FER: variants seen among roughly 807,000 people sequenced by gnomAD.
The protein encoded by FER is tyrosine-protein kinase Fer.
Under a neutral mutation model 111.0 loss-of-function variants are expected in FER, and 63 were observed. That is an observed-to-expected ratio of 0.57 (90% CI 0.46 to 0.70). The LOEUF is 0.70. Ranked by LOEUF, FER falls within the 30% of genes least tolerant of loss-of-function variation. The pLI is 0.00. For synonymous variants in FER, 327 were observed against 313.9 expected, an observed-to-expected ratio of 1.04 and a Z score of -0.44; for missense variants, 914 against 954.0, an observed-to-expected ratio of 0.96 and a Z score of 0.55.
intron 2 of FER, among the ~76,000 whole-genome samples, chr5:108,782,385 G>T (rs1234512575): frequency 6.6e-6 from 1 of 151,642 alleles, no homozygotes; most frequent in East Asian, 1.9e-4. Flanking sequence ...CTCCTGCATA[G>T]ACCACGTTTC....
intron 2 of FER, among the ~76,000 whole-genome samples, chr5:108,769,790 A>G (rs780650952): frequency 5.9e-5 from 9 of 152,166 alleles, no homozygotes; most frequent in Non-Finnish European, 1.3e-4. Context: ...TTAGAAAACT[A>G]TCTTTCTTGT....
At chr5:109,146,822 A>G (rs2126666966) in intron 17 of FER, among the ~76,000 whole-genome samples, 1 of 152,248 alleles carries the variant, frequency 6.6e-6, no homozygotes, top group South Asian at 2.1e-4. Context: ...TGACTTTGCT[A>G]TGTTGTATGC....
intron 17 of FER, among the ~76,000 whole-genome samples, chr5:109,133,118 A>T (rs764936002): frequency 1.3e-5 from 2 of 152,176 alleles, no homozygotes; most frequent in Non-Finnish European, 2.9e-5. Flanking sequence ...AAATGTTAGT[A>T]TGTTCTTGGG....
At chr5:109,027,603 T>C (rs1443694316) in intron 13 of FER, among the ~76,000 whole-genome samples, 1 of 152,128 alleles carries the variant, frequency 6.6e-6, no homozygotes, top group African/African-American at 2.4e-5. Flanking sequence ...TAAAGCCCTT[T>C]AAAGGGATAA....
chr5:108,983,073 G>C (rs186058813), intron 13 of FER, among the ~76,000 whole-genome samples: 1 of 151,966 alleles, frequency 6.6e-6, no homozygotes, highest in Non-Finnish European at 1.5e-5. Context: ...CTAGCACCTA[G>C]TATGTATTCA....
At chr5:108,949,565 A>G (rs2149637021) in intron 11 of FER, among the ~76,000 whole-genome samples, 1 of 152,212 alleles carries the variant, frequency 6.6e-6, no homozygotes, top group South Asian at 2.1e-4. Context: ...TTGTACTGTA[A>G]TGGAACAAAT....
chr5:109,051,039 A>G (rs1046849050), intron 16 of FER, among the ~76,000 whole-genome samples: 5 of 152,314 alleles, frequency 3.3e-5, no homozygotes, highest in African/African-American at 1.2e-4. Context: ...TCTATGTATC[A>G]TGTAATGGAA....
At chr5:108,785,516 C>A (rs1393554360) in intron 2 of FER, 2 of 561,682 alleles carry the variant, frequency 3.6e-6, no homozygotes, top group African/African-American at 1.9e-5. Flanking sequence ...CACAGACAAC[C>A]TGGTGTGAGT....
At chr5:109,093,949 A>C (rs1747154452) in intron 16 of FER, among the ~76,000 whole-genome samples, 1 of 152,122 alleles carries the variant, frequency 6.6e-6, no homozygotes, top group Admixed American at 6.6e-5. Flanking sequence ...TATCAGAGGC[A>C]ACTTTGAGAG....
At chr5:109,169,679 T>C (rs1419621472) in intron 17 of FER, among the ~76,000 whole-genome samples, 1 of 152,196 alleles carries the variant, frequency 6.6e-6, no homozygotes. Context: ...TATTTCCCCT[T>C]TGTATGTTGG....
intron 13 of FER, among the ~76,000 whole-genome samples, chr5:108,976,652 G>T (rs1162643408): frequency 6.6e-6 from 1 of 152,066 alleles, no homozygotes; most frequent in African/African-American, 2.4e-5. Context: ...CACATATTTT[G>T]TATGCTATAT....
chr5:108,748,687 C>T (rs558613156), intron 1 of FER: 2 of 152,472 alleles, frequency 1.3e-5, no homozygotes, highest in Admixed American at 6.5e-5. Flanking sequence ...CTCCCAGGGC[C>T]CGCAGCTTGG....
At chr5:108,961,845 T>C (rs1382412987) in intron 13 of FER, among the ~76,000 whole-genome samples, 1 of 152,192 alleles carries the variant, frequency 6.6e-6, no homozygotes, top group Non-Finnish European at 1.5e-5. Context: ...TAACTGAATC[T>C]ATTTCTTGAT....
chr5:109,015,623 A>T (rs771130549), intron 13 of FER, among the ~76,000 whole-genome samples: 1 of 152,022 alleles, frequency 6.6e-6, no homozygotes, highest in Non-Finnish European at 1.5e-5. Flanking sequence ...CATGAACAGA[A>T]CTGTGGAAGC....
chr5:108,948,152 A>G (rs773767345), intron 11 of FER, among the ~76,000 whole-genome samples: 1 of 152,162 alleles, frequency 6.6e-6, no homozygotes, highest in Non-Finnish European at 1.5e-5. Context: ...AAATGAAATT[A>G]GAATTAATCG....
chr5:109,041,661 C>G (rs768053301), intron 14 of FER, among the ~76,000 whole-genome samples: 25 of 152,120 alleles, frequency 1.6e-4, no homozygotes, highest in Non-Finnish European at 2.9e-4. Context: ...CTTTAAATGT[C>G]TATTGAAATT....
At chr5:108,810,642 G>A (rs190185351) in intron 3 of FER, among the ~76,000 whole-genome samples, 23 of 152,350 alleles carry the variant, frequency 1.5e-4, no homozygotes, top group African/African-American at 4.3e-4. Context: ...CAGCACCACA[G>A]TCTCTGCACA....
In FER at chr5:108,779,102, G is replaced by A. The variant is rs181561419; in HGVS notation, c.-60+10864G>A. Among the ~76,000 whole-genome samples, 718 of 151,816 alleles carry A rather than the reference G, an allele frequency of 4.7e-3. 2 individuals are homozygous for A. The highest frequency in any genetic ancestry group is 7.3e-3 in the Non-Finnish European group (494 of 67,906). On this transcript the variant is annotated intron_variant, in intron 2 of 19. Transcript: ENST00000281092. Reference sequence around the variant, plus strand: ...TGGTTGTATTGCTTTCTTTGTCAAAGATCAGTTGACTGTATTTTTGTTGAT... The same window carrying A: ...TGGTTGTATTGCTTTCTTTGTCAAAAATCAGTTGACTGTATTTTTGTTGAT...
intron 13 of FER, among the ~76,000 whole-genome samples, chr5:108,990,018 T>C (rs1421952395): frequency 6.6e-6 from 1 of 151,930 alleles, no homozygotes; most frequent in African/African-American, 2.4e-5. Flanking sequence ...ACTTACTAGA[T>C]ACTCAGTAAA....
Sources: gnomAD v4.1 joint callset for allele counts (sites outside exome capture counted in the v4.1 genomes callset) on GRCh38, gnomAD v4.1.1 for gene constraint, MANE v1.5 for transcripts, NCBI Gene and HGNC (gene_info 2026-07-23, HGNC 2026-07-21) for gene names.